BRD8: variants seen among roughly 807,000 people sequenced by gnomAD.
BRD8 encodes the protein bromodomain containing 8, also known as bromodomain-containing protein 8.
Under a neutral mutation model 143.1 loss-of-function variants are expected in BRD8, and 67 were observed. The ratio of observed to expected loss-of-function variants is 0.47; its 90% CI spans 0.38 to 0.57. BRD8 has a LOEUF of 0.57. Ranked by LOEUF, BRD8 falls within the 20% of genes least tolerant of loss-of-function variation. The pLI, the probability that BRD8 is intolerant of heterozygous loss-of-function variation, is 0.00. For missense variants in BRD8, 1,103 were observed against 1,503.0 expected (o/e 0.73, Z 4.40); for synonymous variants, 505 against 517.1 (o/e 0.98, Z 0.32).
intron 2 of BRD8, among the ~76,000 whole-genome samples, chr5:138,174,411 A>G (rs1754147174): frequency 6.6e-6 from 1 of 152,010 alleles, no homozygotes; most frequent in African/African-American, 2.4e-5. Flanking sequence ...CCTGGCCAAC[A>G]TGGTAAAACC....
chr5:138,168,743 A>T, intron 8 of BRD8: 1 of 923,012 alleles, frequency 1.1e-6, no homozygotes, highest in Admixed American at 2.1e-5. Context: ...AAGGTTCCCT[A>T]CTAATCTGTA....
chr5:138,154,794 T>C (rs1752510705), intron 20 of BRD8, among the ~76,000 whole-genome samples: 1 of 152,094 alleles, frequency 6.6e-6, no homozygotes, highest in South Asian at 2.1e-4. Flanking sequence ...CTAATATTTT[T>C]TCATCATAGC....
intron 23 of BRD8, among the ~76,000 whole-genome samples, chr5:138,147,851 T>A (rs1478399288): frequency 6.6e-6 from 1 of 151,884 alleles, no homozygotes; most frequent in African/African-American, 2.4e-5. Flanking sequence ...GGTGAGAGGA[T>A]CACCTGAGCC....
chr5:138,172,521 CAAAAAAAAAAAAAA>C (rs10547758), intron 2 of BRD8, among the ~76,000 whole-genome samples: 3 of 24,690 alleles, frequency 1.2e-4, no homozygotes, highest in South Asian at 5.2e-3. Flanking sequence ...GACTCCATCT[CAAAAAAAAAAAAAA>C]AAAAAAAAAA....
chr5:138,151,790 G>C (rs1393968119), intron 21 of BRD8, among the ~76,000 whole-genome samples: 1 of 150,854 alleles, frequency 6.6e-6, no homozygotes, highest in Non-Finnish European at 1.5e-5. Context: ...CAGCCTCCCA[G>C]GTAGCTGGGA....
chr5:138,165,026 G>A lies in BRD8; in HGVS notation c.1419C>T (p.Leu473=). The A allele has an allele frequency of 6.2e-7, 1 of 1,614,150 alleles. No individual in the cohort carries two copies. The highest frequency in any genetic ancestry group is 8.5e-7 in the Non-Finnish European group (1 of 1,180,026). Residue 473 remains leucine (L), a synonymous_variant, in exon 12 of 27, where the codon CTC becomes CTT. Coordinates refer to ENST00000254900, the MANE Select transcript of BRD8 (RefSeq NM_139199.2). ...IQQERDKPVP[L]PAPEMTVKQE... is the part of the protein sequence containing the mutation. ...GCTTGACCGTCATTTCTGGTGCAGG[G>A]AGAGGTACTGGCTTGTCCCGCTCCT...
chr5:138,166,110 T>G lies in BRD8; in HGVS notation c.998-2A>C. ...GAACACAGTTGTCGGGTTGACTCAC[T>G]GAGTAACAGAAAGAGAAAAGCATCT... On this transcript the variant is annotated splice_acceptor_variant, in intron 10 of 26. Transcript: ENST00000254900. LOFTEE classifies it high-confidence loss of function. 1 of 1,608,168 alleles carries G rather than the reference T, an allele frequency of 6.2e-7. No individual in the cohort carries two copies. Among genetic ancestry groups the G allele is most frequent in the Non-Finnish European group, 8.5e-7 (1 of 1,177,468 alleles).
At chr5:138,176,078 A>G (rs182016577) in intron 2 of BRD8, among the ~76,000 whole-genome samples, 1 of 152,308 alleles carries the variant, frequency 6.6e-6, no homozygotes, top group East Asian at 1.9e-4. Context: ...CAAAAAGTGG[A>G]AACAACCCAA....
Position 138,140,028 on chromosome 5 carries a change from C to A in BRD8, c.*46G>T, listed in dbSNP as rs367744614. The A allele has an allele frequency of 6.8e-7, 1 of 1,463,864 alleles. No homozygotes were observed. The highest frequency in any genetic ancestry group is 1.4e-5 in the African/African-American group (1 of 72,034). The allele number at this position is 1,463,864 out of a possible 1,614,324, so 90.7% of individuals were successfully genotyped here. ...CAGGATCCTCTCTAGGTCAGAGTTC[C>A]GGGAGAGATTCAAACTCTAGAAAAA... On this transcript the variant is annotated 3_prime_UTR_variant, in exon 27 of 27. Coordinates refer to ENST00000254900, the MANE Select transcript of BRD8 (RefSeq NM_139199.2).
At chr5:138,148,200 G>C (rs1026736568) in intron 23 of BRD8, among the ~76,000 whole-genome samples, 48 of 147,312 alleles carry the variant, frequency 3.3e-4, no homozygotes, top group African/African-American at 1.1e-3. Flanking sequence ...GAAAAAAAAA[G>C]GGTCAGTGCA....
At chr5:138,169,473 CATA>C (rs991230343) in intron 7 of BRD8, 115 bp from the exon 8 acceptor site, 31 of 1,232,592 alleles carry the variant, frequency 2.5e-5, no homozygotes, top group Non-Finnish European at 4.5e-6. Flanking sequence ...ACTAAAGCAG[CATA>C]ATAAGTTTGG....
intron 6 of BRD8, 151 bp downstream of exon 6, chr5:138,170,681 C>T (rs1043651754): frequency 1.0e-5 from 8 of 773,858 alleles, no homozygotes; most frequent in South Asian, 1.6e-5. Context: ...TCACTCCCCC[C>T]TCCCAGCCAC....
At chr5:138,175,697 T>TA (rs11369426) in intron 2 of BRD8, among the ~76,000 whole-genome samples, 89,703 of 138,908 alleles carry the variant, frequency 0.65, 28,668 homozygotes, top group African/African-American at 0.7. Flanking sequence ...ATATTTAAAT[T>TA]AAAAAAAAAA....
intron 13 of BRD8, 83 bp from the exon 14 acceptor site, chr5:138,164,216 C>T (rs1444023140): frequency 1.1e-5 from 18 of 1,579,166 alleles, no homozygotes; most frequent in Admixed American, 1.7e-5. Context: ...TGCAGCTCTC[C>T]TTTACATGCT....
At chr5:138,173,229 C>A (rs1231229948) in intron 2 of BRD8, among the ~76,000 whole-genome samples, 1 of 151,940 alleles carries the variant, frequency 6.6e-6, no homozygotes, top group African/African-American at 2.4e-5. Context: ...GAAACCCCAC[C>A]TCTACTAAAA....
Position 138,170,390 on chromosome 5 carries a change from C to A in BRD8, c.460G>T (p.Glu154Ter). 6.2e-7 allele frequency: 1 copy of A among 1,614,150 alleles called. No homozygotes were observed. The highest frequency in any genetic ancestry group is 8.5e-7 in the Non-Finnish European group (1 of 1,180,010). Reference protein sequence around the residue: ...DIATKKKLEEEEAEVKRKATD... With the variant: ...DIATKKKLEE ...GCCTTCCTCTTTACTTCAGCCTCCT[C>A]TTCTTCCAATTTCTTTTTCCTAAAC... The change falls in exon 7 of 27, where the codon GAG becomes TAG. Residue 154 changes from glutamate (E) to a stop codon, truncating the protein, a stop_gained. Coordinates refer to ENST00000254900, the MANE Select transcript of BRD8 (RefSeq NM_139199.2). LOFTEE classifies it high-confidence loss of function.
chr5:138,165,963 A>G lies in BRD8; in HGVS notation c.1143T>C (p.Val381=). The change falls in exon 11 of 27, where the codon GTT becomes GTC. Residue 381 remains valine (V), a synonymous_variant. Coordinates refer to ENST00000254900, the MANE Select transcript of BRD8 (RefSeq NM_139199.2). ...CFRSGVAEAP[V]GSKAPSIDGK... is the part of the protein sequence containing the mutation. Reference sequence around the variant, plus strand: ...CATCTATGCTGGGAGCCTTTGATCCAACAGGAGCCTCTGCTACCCCTGATC... The same window carrying G: ...CATCTATGCTGGGAGCCTTTGATCCGACAGGAGCCTCTGCTACCCCTGATC... 6.2e-7 allele frequency: 1 copy of G among 1,614,216 alleles called. No individual in the cohort carries two copies. The highest frequency in any genetic ancestry group is 1.3e-5 in the African/African-American group (1 of 75,046).
intron 10 of BRD8, 99 bp downstream of exon 10, chr5:138,166,419 G>A: frequency 1.4e-6 from 1 of 714,668 alleles, no homozygotes. Flanking sequence ...ATGTAGAACA[G>A]AGAAGAAGCA....
chr5:138,151,686 C>T (rs1043268761), intron 21 of BRD8, among the ~76,000 whole-genome samples: 6 of 152,166 alleles, frequency 3.9e-5, no homozygotes, highest in East Asian at 1.9e-4. Context: ...ACTTTTGAGA[C>T]GGAGTCTCGC....
Sources: allele counts gnomAD v4.1 joint callset (sites outside exome capture counted in the v4.1 genomes callset), GRCh38; gene constraint gnomAD v4.1.1; transcripts MANE v1.5; gene names NCBI Gene and HGNC (gene_info 2026-07-23, HGNC 2026-07-21).